The following ABCB4 variants were observed in gnomAD, a reference collection of about 807,000 sequenced individuals.
ABCB4 encodes ATP binding cassette subfamily B member 4.
A neutral mutation model predicts 145.7 loss-of-function variants in ABCB4; 76 were observed. That is an observed-to-expected ratio of 0.52 (90% CI 0.43 to 0.63). The LOEUF is 0.63. ABCB4 is among the 30% of genes least tolerant of loss of function. The pLI, the probability that ABCB4 is intolerant of heterozygous loss-of-function variation, is 0.00. For missense variants in ABCB4, 1,234 were observed against 1,553.1 expected, an observed-to-expected ratio of 0.79 and a Z score of 3.45; for synonymous variants, 517 against 566.8, an observed-to-expected ratio of 0.91 and a Z score of 1.25.
At chr7:87,377,971 C>T in the ABCB4 span, among the ~76,000 whole-genome samples, 1 of 152,204 alleles carries the variant, frequency 6.6e-6, no homozygotes, top group South Asian at 2.1e-4. Context: ...CTGTTCCCCT[C>T]CCATGGACAT....
At chr7:87,393,857 A>G in the ABCB4 span, among the ~76,000 whole-genome samples, 10 of 152,326 alleles carry the variant, frequency 6.6e-5, no homozygotes, top group Admixed American at 5.2e-4. Context: ...GCACACTTAC[A>G]TGCAGATTTT....
intron 15 of ABCB4, among the ~76,000 whole-genome samples, chr7:87,427,289 T>G (rs1325399746): frequency 6.6e-6 from 1 of 151,590 alleles, no homozygotes; most frequent in Non-Finnish European, 1.5e-5. Context: ...AACAAGGGCT[T>G]GTTTTTAAAG....
At chr7:87,366,805 A>G in the ABCB4 span, among the ~76,000 whole-genome samples, 1 of 152,184 alleles carries the variant, frequency 6.6e-6, no homozygotes, top group Non-Finnish European at 1.5e-5. Context: ...CATATCAAAG[A>G]TACCTACTCT....
At chr7:87,369,603 T>C in the ABCB4 span, 1 of 392,636 alleles carries the variant, frequency 2.5e-6, no homozygotes, top group Non-Finnish European at 4.5e-6. Flanking sequence ...ATTTTATGCA[T>C]GCTTTTTTAA....
In ABCB4 at chr7:87,401,875, G is replaced by T; in HGVS notation, c.*221C>A. 1 of 699,522 alleles carries T rather than the reference G, an allele frequency of 1.4e-6. No individual in the cohort carries two copies. The highest frequency in any genetic ancestry group is 2.6e-6 in the Non-Finnish European group (1 of 391,994). 43.3% of individuals were successfully genotyped at this position (699,522 alleles called of 1,614,324 possible). A position where few individuals can be genotyped will look rare whatever the true frequency, so the allele number is the denominator to read the frequency against. On this transcript the variant is annotated 3_prime_UTR_variant, in exon 28 of 28. Coordinates refer to ENST00000649586, the MANE Select transcript of ABCB4 (RefSeq NM_000443.4). ...TTCTGGATGTTTCTAATAACTTAGG[G>T]AGAGCTAGCCTGTTGTTTCAATACT...
downstream of ABCB4, chr7:87,398,299 G>A: frequency 1.5e-6 from 1 of 664,964 alleles, no homozygotes; most frequent in Non-Finnish European, 2.8e-6. Flanking sequence ...TAGCTAATTT[G>A]TTCCCCTTTG....
chr7:87,444,681 A>G (rs1169015634), intron 10 of ABCB4, among the ~76,000 whole-genome samples, 181 bp downstream of exon 10: 8 of 152,306 alleles, frequency 5.3e-5, no homozygotes, highest in Middle Eastern at 3.4e-3. Context: ...TTTAAAAAAT[A>G]TTAATAAGAG....
chr7:87,376,002 G>T, the ABCB4 span: 3 of 1,500,500 alleles, frequency 2.0e-6, no homozygotes, highest in South Asian at 1.4e-5. Context: ...TTTTCTGGAA[G>T]ACTCATATTT....
rs747311940 is a variant in ABCB4 at position 87,443,619 on chromosome 7, A to C, written c.1230+44T>G. On this transcript the variant is annotated intron_variant, in intron 11 of 27. Coordinates refer to ENST00000649586, the MANE Select transcript of ABCB4 (RefSeq NM_000443.4). ...ACTTTATTCTTTAAAATGATTCAAC[A>C]ATCAACCTCAGTTAGGAATTCCTAT... The C allele has an allele frequency of 1.1e-5, 18 of 1,574,534 alleles. No homozygotes were observed. The East Asian group carries it at 4.0e-4, about 35-fold the overall frequency.
At chr7:87,368,243 C>G in the ABCB4 span, among the ~76,000 whole-genome samples, 4 of 152,184 alleles carry the variant, frequency 2.6e-5, no homozygotes, top group Non-Finnish European at 5.9e-5. Flanking sequence ...CAAATATCCG[C>G]CAGGTTTATT....
At chr7:87,454,397 T>G (rs897617392) in intron 5 of ABCB4, 138 bp downstream of exon 5, 5 of 677,662 alleles carry the variant, frequency 7.4e-6, no homozygotes, top group Non-Finnish European at 1.3e-5. Flanking sequence ...TACTTTAAAT[T>G]GGGATTTGGG....
chr7:87,421,663 C>T (rs1322192153), intron 18 of ABCB4, among the ~76,000 whole-genome samples: 3 of 152,144 alleles, frequency 2.0e-5, no homozygotes, highest in Non-Finnish European at 4.4e-5. Context: ...TAGAAAAGTA[C>T]AATTAGAGAG....
At chr7:87,386,826 A>T in the ABCB4 span, among the ~76,000 whole-genome samples, 2 of 151,908 alleles carry the variant, frequency 1.3e-5, no homozygotes, top group African/African-American at 4.8e-5. Flanking sequence ...TTCATTGGGG[A>T]TTGCTAACCC....
chr7:87,375,442 C>T, the ABCB4 span: 1 of 509,074 alleles, frequency 2.0e-6, no homozygotes, highest in Non-Finnish European at 3.5e-6. Context: ...GTCAAATATG[C>T]TTTTGGTGTT....
chr7:87,428,928 T>C (rs902801277), intron 15 of ABCB4, among the ~76,000 whole-genome samples: 3 of 152,224 alleles, frequency 2.0e-5, no homozygotes, highest in Admixed American at 6.5e-5. Context: ...AAAAAATGCT[T>C]GATTTTTAAA....
chr7:87,386,872 T>G, the ABCB4 span, among the ~76,000 whole-genome samples: 4 of 152,154 alleles, frequency 2.6e-5, no homozygotes, highest in African/African-American at 9.7e-5. Context: ...CCTTTAGGAT[T>G]TTTTTACCCT....
chr7:87,430,384 G>A (rs45474405), intron 15 of ABCB4, among the ~76,000 whole-genome samples: 10,660 of 152,136 alleles, frequency 0.07, 392 homozygotes, highest in South Asian at 0.13. Context: ...AAATAGAATC[G>A]TTCATAGAAT....
intron 8 of ABCB4, among the ~76,000 whole-genome samples, chr7:87,449,369 T>C (rs995940369): frequency 1.3e-5 from 2 of 152,142 alleles, no homozygotes; most frequent in Non-Finnish European, 2.9e-5. Flanking sequence ...TAAGTATTTT[T>C]AATATAATTA....
At chr7:87,398,634 C>A (rs780278505), downstream of ABCB4, 5 of 1,613,162 alleles carry the variant, frequency 3.1e-6, no homozygotes, top group Admixed American at 3.3e-5. Context: ...ATGAACTCTA[C>A]TCATCTTTAG....
Sources: allele counts gnomAD v4.1 joint callset (sites outside exome capture counted in the v4.1 genomes callset), GRCh38; gene constraint gnomAD v4.1.1; transcripts MANE v1.5; gene names NCBI Gene and HGNC (gene_info 2026-07-23, HGNC 2026-07-21).